Variants in TGFBR3 observed in about 807,000 individuals in gnomAD.
TGFBR3 encodes the protein transforming growth factor beta receptor type 3.
In TGFBR3, 46 loss-of-function variants were observed where a neutral mutation model predicts 87.9. The observed-to-expected ratio is 0.52, with a 90% CI of 0.41 to 0.67. TGFBR3 has a LOEUF of 0.67. Among genes scored for constraint, TGFBR3 ranks in the 30% least tolerant of loss-of-function variants. The pLI, the probability that TGFBR3 is intolerant of heterozygous loss-of-function variation, is 0.00. For missense variants in TGFBR3, 866 were observed against 1,041.9 expected, an observed-to-expected ratio of 0.83 and a Z score of 2.32; for synonymous variants, 381 against 391.6, an observed-to-expected ratio of 0.97 and a Z score of 0.32.
At chr1:91,758,416 G>C (rs545933845) in intron 4 of TGFBR3, among the ~76,000 whole-genome samples, 197 bp downstream of exon 4, 1 of 152,226 alleles carries the variant, frequency 6.6e-6, no homozygotes, top group South Asian at 2.1e-4. Flanking sequence ...ACAGAAGATG[G>C]GCAGGTGTGT....
chr1:91,816,579 T>C (rs1676233279), intron 2 of TGFBR3, among the ~76,000 whole-genome samples: 1 of 152,236 alleles, frequency 6.6e-6, no homozygotes, highest in Admixed American at 6.5e-5. Flanking sequence ...AAATCAAGTG[T>C]ACCACCTATT....
intron 1 of TGFBR3, chr1:91,864,179 T>A (rs1218429090): frequency 6.6e-6 from 1 of 152,160 alleles, no homozygotes. Context: ...ACGAGGCTTG[T>A]GGGAATATTT....
At chr1:91,729,995 C>A in intron 5 of TGFBR3, 22 bp from the exon 6 acceptor site, 1 of 1,613,998 alleles carries the variant, frequency 6.2e-7, no homozygotes, top group Non-Finnish European at 8.5e-7. Context: ...ACAGGACAAT[C>A]TGTCAAACCA....
chr1:91,707,160 A>G (rs1671826121), intron 14 of TGFBR3, among the ~76,000 whole-genome samples: 1 of 152,306 alleles, frequency 6.6e-6, no homozygotes. Flanking sequence ...CCAGATAGAG[A>G]AAATGAAACC....
chr1:91,681,299 C>T lies in TGFBR3; in HGVS notation c.*2440G>A. On this transcript the variant is annotated 3_prime_UTR_variant, in exon 17 of 17. Transcript: ENST00000212355. ...TTTCAGAAATACTTAACGACATTCACTCTCCAATATGAGATTAGGTTTTAT... is the reference window on the plus strand; with the variant it reads ...TTTCAGAAATACTTAACGACATTCATTCTCCAATATGAGATTAGGTTTTAT... 1 of 445,322 alleles carries T rather than the reference C, an allele frequency of 2.2e-6. No homozygotes were observed. The highest frequency in any genetic ancestry group is 4.5e-6 in the Non-Finnish European group (1 of 224,226). The allele number at this position is 445,322 out of a possible 1,614,324, so 27.6% of individuals were successfully genotyped here.
intron 2 of TGFBR3, among the ~76,000 whole-genome samples, chr1:91,853,062 G>T (rs890357959): frequency 6.6e-6 from 1 of 151,672 alleles, no homozygotes; most frequent in Non-Finnish European, 1.5e-5. Context: ...GGGGGTCTGT[G>T]GGGGGAAAAT....
At chr1:91,743,814 C>G (rs1157038285) in intron 4 of TGFBR3, among the ~76,000 whole-genome samples, 1 of 152,252 alleles carries the variant, frequency 6.6e-6, no homozygotes, top group East Asian at 1.9e-4. Flanking sequence ...ATGCCATGAG[C>G]AACCACGTGT....
At chr1:91,813,723 C>G (rs1020162236) in intron 2 of TGFBR3, among the ~76,000 whole-genome samples, 1 of 152,170 alleles carries the variant, frequency 6.6e-6, no homozygotes, top group Non-Finnish European at 1.5e-5. Context: ...AAAGAAAACA[C>G]CTAACGGGGC....
intron 14 of TGFBR3, 124 bp from the exon 15 acceptor site, chr1:91,698,254 G>T: frequency 1.2e-6 from 1 of 834,640 alleles, no homozygotes; most frequent in Non-Finnish European, 2.1e-6. Flanking sequence ...AGAAAGCTCT[G>T]TCAATGATCC....
intron 16 of TGFBR3, among the ~76,000 whole-genome samples, chr1:91,684,084 G>C (rs1006886034): frequency 9.2e-5 from 14 of 152,200 alleles, no homozygotes; most frequent in Non-Finnish European, 2.9e-5. Flanking sequence ...GAAGACAGCT[G>C]ACTGACAGGC....
chr1:91,885,507 A>T (rs767760609), intron 1 of TGFBR3, among the ~76,000 whole-genome samples: 1 of 152,136 alleles, frequency 6.6e-6, no homozygotes, highest in Non-Finnish European at 1.5e-5. Context: ...ACAACAAACC[A>T]TTCCCACCGA....
intron 3 of TGFBR3, among the ~76,000 whole-genome samples, chr1:91,770,407 C>A (rs151272978): frequency 8.9e-4 from 135 of 152,272 alleles, no homozygotes; most frequent in African/African-American, 2.9e-3. Flanking sequence ...TAAATCTATA[C>A]TGCAGTTTAC....
chr1:91,685,645 G>A (rs1486124580), intron 16 of TGFBR3, among the ~76,000 whole-genome samples: 1 of 151,920 alleles, frequency 6.6e-6, no homozygotes, highest in Admixed American at 6.6e-5. Flanking sequence ...TGACTTTTTT[G>A]GAAACCTATG....
intron 12 of TGFBR3, among the ~76,000 whole-genome samples, chr1:91,712,896 C>T (rs143029545): frequency 1.9e-3 from 282 of 152,236 alleles, no homozygotes; most frequent in African/African-American, 6.5e-3. Flanking sequence ...AATAAAACAC[C>T]AGTAGGCAAA....
At chr1:91,727,874 C>A in intron 6 of TGFBR3, 68 bp from the exon 7 acceptor site, 2 of 1,579,370 alleles carry the variant, frequency 1.3e-6, no homozygotes, top group Non-Finnish European at 8.7e-7. Context: ...CTCCCCTCTT[C>A]CAAGTCTTCA....
At chr1:91,744,010 A>T (rs1245842120) in intron 4 of TGFBR3, among the ~76,000 whole-genome samples, 1 of 152,126 alleles carries the variant, frequency 6.6e-6, no homozygotes. Context: ...ATTTTTATTG[A>T]CTGATTACAA....
At chr1:91,707,344 T>C (rs544173865) in intron 14 of TGFBR3, among the ~76,000 whole-genome samples, 1 of 152,340 alleles carries the variant, frequency 6.6e-6, no homozygotes, top group South Asian at 2.1e-4. Context: ...CACCACCAGA[T>C]ACACAATTGG....
chr1:91,735,028 A>G, intron 4 of TGFBR3, 69 bp from the exon 5 acceptor site: 1 of 1,576,448 alleles, frequency 6.3e-7, no homozygotes, highest in Non-Finnish European at 8.7e-7. Flanking sequence ...TAGAGAAAGT[A>G]CTTCTCAAAT....
At chr1:91,837,957 C>T (rs1195942702) in intron 2 of TGFBR3, among the ~76,000 whole-genome samples, 2 of 152,180 alleles carry the variant, frequency 1.3e-5, no homozygotes, top group African/African-American at 4.8e-5. Flanking sequence ...CGGGAGATTG[C>T]TGCATAATGC....
Sources: allele counts gnomAD v4.1 joint callset (sites outside exome capture counted in the v4.1 genomes callset), GRCh38; gene constraint gnomAD v4.1.1; transcripts MANE v1.5; gene names NCBI Gene and HGNC (gene_info 2026-07-23, HGNC 2026-07-21).